The following DOCK4 variants were observed in gnomAD, a reference collection of about 807,000 sequenced individuals.
The protein encoded by DOCK4 is dedicator of cytokinesis 4, also known as dedicator of cytokinesis protein 4.
A neutral mutation model predicts 268.1 loss-of-function variants in DOCK4; 97 were observed. The observed-to-expected ratio is 0.36, with a 90% CI of 0.31 to 0.43. The LOEUF is 0.43. DOCK4 is among the 20% of genes least tolerant of loss of function. The pLI, the probability that DOCK4 is intolerant of heterozygous loss-of-function variation, is 1.00. For missense variants in DOCK4, 2,145 were observed against 2,455.7 expected (o/e 0.87, Z 2.67); for synonymous variants, 954 against 887.2 (o/e 1.08, Z -1.34).
intron 41 of DOCK4, among the ~76,000 whole-genome samples, chr7:111,758,096 A>G (rs1279354491): frequency 1.3e-5 from 2 of 152,196 alleles, no homozygotes; most frequent in African/African-American, 2.4e-5. Context: ...AGTCCTGAGA[A>G]GTTCTAATTA....
intron 1 of DOCK4, among the ~76,000 whole-genome samples, chr7:112,184,559 C>G (rs1346732481): frequency 6.6e-6 from 1 of 152,022 alleles, no homozygotes; most frequent in African/African-American, 2.4e-5. Flanking sequence ...GTACAAGCTA[C>G]TAACCTCCTT....
chr7:111,787,329 G>A (rs1402603506), intron 32 of DOCK4, among the ~76,000 whole-genome samples: 1 of 152,102 alleles, frequency 6.6e-6, no homozygotes, highest in African/African-American at 2.4e-5. Flanking sequence ...TTATTATACT[G>A]CATGAGATTT....
Position 112,033,372 on chromosome 7 carries a change from A to AAAGCAAAATAAAACC in DOCK4, c.38-29256_38-29242dup, listed in dbSNP as rs1444345636. Among the ~76,000 whole-genome samples the AAAGCAAAATAAAACC allele has an allele frequency of 9.2e-5, 14 of 152,322 alleles. No homozygotes were observed. The East Asian group carries it at 2.7e-3, about 29-fold the overall frequency. ...TTGAATACTCCCAACCCCACCACAA[A>AAAGCAAAATAAAACC]AAGCAAAATAAAACCAAGCAAAAAT... On this transcript the variant is annotated intron_variant, in intron 1 of 52. Coordinates refer to ENST00000428084, the MANE Select transcript of DOCK4 (RefSeq NM_001363540.2).
At position 111,727,378 on chromosome 7, in the gene DOCK4, A is replaced by G. The variant is rs1301508806; in HGVS notation, c.*896T>C. 1 of 152,568 alleles carries G rather than the reference A, an allele frequency of 6.6e-6. No homozygotes were observed. Among genetic ancestry groups the G allele is most frequent in the African/African-American group, 2.4e-5 (1 of 41,438 alleles). The allele number at this position is 152,568 out of a possible 1,614,324, so 9.5% of individuals were successfully genotyped here. A position where few individuals can be genotyped will look rare whatever the true frequency, so the allele number is the denominator to read the frequency against. On this transcript the variant is annotated 3_prime_UTR_variant, in exon 53 of 53. Transcript: ENST00000428084. ...ACTAAGTTTTTTTTTTCTTCACTTA[A>G]GCTATTAATTTAATACTGTCTGTAT... is the stretch of plus-strand genomic sequence containing the variant.
At chr7:111,863,688 G>C in intron 22 of DOCK4, 124 bp from the exon 23 acceptor site, 1 of 1,038,002 alleles carries the variant, frequency 9.6e-7, no homozygotes, top group Non-Finnish European at 1.3e-6. Flanking sequence ...AGTATGAAAT[G>C]TTTCTGTTAC....
At chr7:112,127,771 C>T (rs916197528) in intron 1 of DOCK4, among the ~76,000 whole-genome samples, 1 of 151,660 alleles carries the variant, frequency 6.6e-6, no homozygotes, top group African/African-American at 2.4e-5. Flanking sequence ...CGGCTAGCAC[C>T]TGTAATCCCT....
At chr7:111,897,897 G>A (rs531841421) in intron 15 of DOCK4, among the ~76,000 whole-genome samples, 2 of 152,132 alleles carry the variant, frequency 1.3e-5, no homozygotes, top group East Asian at 3.9e-4. Flanking sequence ...TTCTCAGGCC[G>A]ACATCTTTGG....
intron 1 of DOCK4, among the ~76,000 whole-genome samples, chr7:112,058,151 G>T (rs80302661): frequency 0.037 from 5,585 of 150,192 alleles, 333 homozygotes; most frequent in African/African-American, 0.13. Context: ...GGGAATTCTA[G>T]TAGCAGTGAC....
At chr7:112,062,586 C>G (rs1806522294) in intron 1 of DOCK4, among the ~76,000 whole-genome samples, 1 of 152,104 alleles carries the variant, frequency 6.6e-6, no homozygotes, top group Admixed American at 6.5e-5. Context: ...GAGTGATAGC[C>G]AAGGGCCGAC....
At chr7:111,983,857 C>CGT (rs1251045507) in intron 7 of DOCK4, among the ~76,000 whole-genome samples, 30 of 102,186 alleles carry the variant, frequency 2.9e-4, no homozygotes, top group South Asian at 2.1e-3. Context: ...CGCGCGCGCG[C>CGT]GCGCGCACAC....
At chr7:112,033,798 T>G (rs958081720) in intron 1 of DOCK4, among the ~76,000 whole-genome samples, 14 of 152,210 alleles carry the variant, frequency 9.2e-5, no homozygotes, top group Admixed American at 6.5e-5. Context: ...AATCATAATC[T>G]TCTTTATTCT....
At chr7:111,795,804 G>C (rs1247195003) in intron 30 of DOCK4, among the ~76,000 whole-genome samples, 1 of 152,166 alleles carries the variant, frequency 6.6e-6, no homozygotes, top group East Asian at 1.9e-4. Flanking sequence ...CTGTGCCTAA[G>C]ACCTTCATAA....
At chr7:112,078,733 A>T (rs1277471837) in intron 1 of DOCK4, among the ~76,000 whole-genome samples, 1 of 152,202 alleles carries the variant, frequency 6.6e-6, no homozygotes, top group Non-Finnish European at 1.5e-5. Context: ...GAGATGAGAA[A>T]CAGGAGGGAG....
At chr7:112,165,289 C>G (rs142342299) in intron 1 of DOCK4, among the ~76,000 whole-genome samples, 3 of 152,202 alleles carry the variant, frequency 2.0e-5, no homozygotes, top group African/African-American at 7.2e-5. Flanking sequence ...AACCTTTAAC[C>G]TACTTCTCTG....
intron 12 of DOCK4, among the ~76,000 whole-genome samples, chr7:111,926,717 C>T (rs184276781): frequency 1.3e-5 from 2 of 151,438 alleles, no homozygotes; most frequent in African/African-American, 4.8e-5. Context: ...ACCTGTAGTT[C>T]CAGCTATTCA....
At chr7:111,842,236 T>C (rs1316505789) in intron 25 of DOCK4, among the ~76,000 whole-genome samples, 1 of 152,232 alleles carries the variant, frequency 6.6e-6, no homozygotes, top group Non-Finnish European at 1.5e-5. Context: ...CCTTGGGACC[T>C]GAGCAAGGGC....
intron 23 of DOCK4, among the ~76,000 whole-genome samples, chr7:111,852,635 T>C (rs1484837044): frequency 6.6e-6 from 1 of 152,206 alleles, no homozygotes; most frequent in African/African-American, 2.4e-5. Flanking sequence ...AAAATTCAAT[T>C]TGCAGCCAAT....
intron 25 of DOCK4, among the ~76,000 whole-genome samples, chr7:111,839,620 C>T (rs1803511439): frequency 6.6e-6 from 1 of 152,196 alleles, no homozygotes; most frequent in Non-Finnish European, 1.5e-5. Context: ...AACTTATAAT[C>T]ATGACATATA....
intron 1 of DOCK4, among the ~76,000 whole-genome samples, chr7:112,102,152 C>CT (rs1193613926): frequency 1.3e-5 from 2 of 152,198 alleles, no homozygotes; most frequent in Non-Finnish European, 2.9e-5. Flanking sequence ...TATAACGCTC[C>CT]TTCTGTACCA....
Sources: allele counts gnomAD v4.1 joint callset (sites outside exome capture counted in the v4.1 genomes callset), GRCh38; gene constraint gnomAD v4.1.1; transcripts MANE v1.5; gene names NCBI Gene and HGNC (gene_info 2026-07-23, HGNC 2026-07-21).